RPS6KA2: variants seen among roughly 807,000 people sequenced by gnomAD.
RPS6KA2 encodes the protein ribosomal protein S6 kinase A2, also known as ribosomal protein S6 kinase alpha-2.
In RPS6KA2, 42 loss-of-function variants were observed where a neutral mutation model predicts 91.8. The observed-to-expected ratio is 0.46, with a 90% CI of 0.36 to 0.59. The LOEUF (loss-of-function observed/expected upper bound fraction) is 0.59. RPS6KA2 is among the 20% of genes least tolerant of loss of function. RPS6KA2 has a pLI of 0.00. For missense variants in RPS6KA2, 798 were observed against 978.5 expected, an observed-to-expected ratio of 0.82 and a Z score of 2.46; for synonymous variants, 414 against 393.6, an observed-to-expected ratio of 1.05 and a Z score of -0.61.
chr6:166,529,915 A>G (rs75595574), intron 3 of RPS6KA2, among the ~76,000 whole-genome samples: 9 of 152,296 alleles, frequency 5.9e-5, no homozygotes, highest in East Asian at 1.9e-4. Flanking sequence ...TCTCTCCCCT[A>G]TAGAATTTTC....
At chr6:166,550,958 G>C (rs866088130) in intron 1 of RPS6KA2, among the ~76,000 whole-genome samples, 15 of 132,414 alleles carry the variant, frequency 1.1e-4, no homozygotes, top group South Asian at 2.4e-4. Flanking sequence ...CCGAGATCAC[G>C]ACACTCCAGC....
intron 1 of RPS6KA2, among the ~76,000 whole-genome samples, chr6:166,625,919 G>A (rs1322353630): frequency 6.6e-6 from 1 of 152,108 alleles, no homozygotes; most frequent in Non-Finnish European, 1.5e-5. Flanking sequence ...TCTCTCAATG[G>A]TTACAGAACC....
At chr6:166,841,975 G>C (rs10806866) in intron 2 of RPS6KA2, among the ~76,000 whole-genome samples, 86,560 of 151,740 alleles carry the variant, frequency 0.57, 25,789 homozygotes, top group Middle Eastern at 0.74. Flanking sequence ...GCCTCAAGCA[G>C]GATCTGGCAT....
chr6:166,476,186 T>C (rs567612033), intron 10 of RPS6KA2, among the ~76,000 whole-genome samples: 2 of 152,240 alleles, frequency 1.3e-5, no homozygotes, highest in East Asian at 3.9e-4. Context: ...GGGTGTGGCA[T>C]TCACAGCCAG....
chr6:166,490,535 A>C lies in RPS6KA2; in HGVS notation c.818+136T>G. ...ATTTTGTGTAAAACCAGTGACTTTTAGAAAACAGCTTACAATACTTTGGCA... is the reference window on the plus strand; with the variant it reads ...ATTTTGTGTAAAACCAGTGACTTTTCGAAAACAGCTTACAATACTTTGGCA... On this transcript the variant is annotated intron_variant, in intron 9 of 20. Coordinates refer to ENST00000265678, the MANE Select transcript of RPS6KA2 (RefSeq NM_021135.6). This position sits in a 1 kb window ranked among gnomAD's most constrained non-coding sequence, Gnocchi z 4.2. 2 of 696,100 alleles carry C rather than the reference A, an allele frequency of 2.9e-6. No homozygotes were observed. Among genetic ancestry groups the C allele is most frequent in the Non-Finnish European group, 2.5e-6 (1 of 394,592 alleles). The allele number at this position is 696,100 out of a possible 1,614,324, so 43.1% of individuals were successfully genotyped here. A position where few individuals can be genotyped will look rare whatever the true frequency, so the allele number is the denominator to read the frequency against.
intron 16 of RPS6KA2, among the ~76,000 whole-genome samples, chr6:166,425,365 A>G (rs1228292214): frequency 6.6e-6 from 1 of 152,214 alleles, no homozygotes; most frequent in East Asian, 1.9e-4. Context: ...TGTAAAGACC[A>G]TCGAGACTAG....
chr6:166,471,726 A>G (rs1780775628), intron 10 of RPS6KA2, among the ~76,000 whole-genome samples: 1 of 152,216 alleles, frequency 6.6e-6, no homozygotes, highest in African/African-American at 2.4e-5. Flanking sequence ...CTTGTTCAAA[A>G]TCAGACCAGA....
intron 1 of RPS6KA2, among the ~76,000 whole-genome samples, chr6:166,541,675 C>T (rs1458519304): frequency 2.6e-5 from 4 of 152,314 alleles, no homozygotes; most frequent in Middle Eastern, 3.4e-3. Context: ...CCCGCCTCCC[C>T]GGTCCATGCC....
At chr6:166,745,250 C>G (rs1013169524) in intron 2 of RPS6KA2, among the ~76,000 whole-genome samples, 1 of 149,528 alleles carries the variant, frequency 6.7e-6, no homozygotes, top group East Asian at 2.0e-4. Context: ...CTCCTGGGTT[C>G]AAGCGATTCC....
intron 2 of RPS6KA2, among the ~76,000 whole-genome samples, chr6:166,645,007 A>G (rs890474583): frequency 5.9e-5 from 9 of 152,294 alleles, no homozygotes; most frequent in South Asian, 4.1e-4. Flanking sequence ...ATTCTTCCCT[A>G]CAGCCTTTAG....
rs79668126 is a variant in RPS6KA2, at chr6:166,543,824, C to T, written c.100-5040G>A. Among the ~76,000 whole-genome samples, 64 of 152,298 alleles carry T rather than the reference C, an allele frequency of 4.2e-4. 1 individual carries two copies. The East Asian group carries it at 9.3e-3, about 22-fold the overall frequency. ...CAGGCAACTGTCCTGAGTGTGTGCA[C>T]GTGTGTGTGCGCATGTGTACATGTG... On this transcript the variant is annotated intron_variant, in intron 1 of 20. Coordinates refer to ENST00000265678, the MANE Select transcript of RPS6KA2 (RefSeq NM_021135.6).
Position 166,533,948 on chromosome 6 carries a change from T to C in RPS6KA2, c.217-2635A>G, listed in dbSNP as rs527427279. Among the ~76,000 whole-genome samples the C allele has an allele frequency of 7.4e-4, 112 of 151,742 alleles. No individual in the cohort carries two copies. The highest frequency in any genetic ancestry group is 2.7e-3 in the African/African-American group (110 of 41,440). ...AATAAAAATAAAAATTAGGGCTGGG[T>C]GCGGTGGCTCACGCCTGTAATCCCA... On this transcript the variant is annotated intron_variant, in intron 2 of 20. Transcript: ENST00000265678. This position sits in a 1 kb window ranked among gnomAD's most constrained non-coding sequence, Gnocchi z 4.0.
intron 2 of RPS6KA2, among the ~76,000 whole-genome samples, chr6:166,801,444 G>A (rs1328178337): frequency 1.3e-5 from 2 of 152,186 alleles, no homozygotes; most frequent in Non-Finnish European, 1.5e-5. Context: ...ATAGGCTAAA[G>A]TGATCATCCT....
At chr6:166,736,928 T>C (rs377467925) in intron 2 of RPS6KA2, among the ~76,000 whole-genome samples, 2 of 151,914 alleles carry the variant, frequency 1.3e-5, no homozygotes, top group South Asian at 2.1e-4. Context: ...CCTAGCAGAA[T>C]TGACAAAATG....
intron 2 of RPS6KA2, among the ~76,000 whole-genome samples, chr6:166,534,518 TA>T (rs1166427367): frequency 1.3e-5 from 2 of 152,194 alleles, no homozygotes; most frequent in Non-Finnish European, 2.9e-5. Context: ...AGTACGACCG[TA>T]TAAACTCAAA....
Position 166,770,755 on chromosome 6 carries a change from C to A in RPS6KA2, c.123+87445G>T. The A allele has an allele frequency of 3.8e-6, 4 of 1,062,694 alleles. No individual in the cohort carries two copies. Among genetic ancestry groups the A allele is most frequent in the Non-Finnish European group, 4.1e-6 (3 of 732,610 alleles). The allele number at this position is 1,062,694 out of a possible 1,614,324, so 65.8% of individuals were successfully genotyped here. A position where few individuals can be genotyped will look rare whatever the true frequency, so the allele number is the denominator to read the frequency against. Reference sequence around the variant, plus strand: ...GCACCTTGCCTTGCTGGACTCCGGGCACCGTGAAACAACTCAATAAATTGA... The same window carrying A: ...GCACCTTGCCTTGCTGGACTCCGGGAACCGTGAAACAACTCAATAAATTGA... On this transcript the variant is annotated intron_variant, in intron 2 of 21. Transcript: ENST00000503859. The surrounding 1 kb of genome is among the most constrained non-coding windows in gnomAD (Gnocchi z 5.1).
chr6:166,507,452 TAC>T (rs1467325564), intron 5 of RPS6KA2, among the ~76,000 whole-genome samples: 1 of 129,518 alleles, frequency 7.7e-6, no homozygotes, highest in East Asian at 2.3e-4. Flanking sequence ...ACACAACTCA[TAC>T]ATACACACAC....
intron 2 of RPS6KA2, among the ~76,000 whole-genome samples, chr6:166,717,752 G>A (rs1048353020): frequency 6.6e-6 from 1 of 152,170 alleles, no homozygotes; most frequent in South Asian, 2.1e-4. Flanking sequence ...TACCAGGGGT[G>A]CCTCTCACAA....
At chr6:166,742,060 G>C (rs181290707) in intron 2 of RPS6KA2, among the ~76,000 whole-genome samples, 1 of 152,086 alleles carries the variant, frequency 6.6e-6, no homozygotes, top group African/African-American at 2.4e-5. Flanking sequence ...TTTGAGAGGC[G>C]GCTGTTGCAG....
Sources: gnomAD v4.1 joint callset for allele counts (sites outside exome capture counted in the v4.1 genomes callset) on GRCh38, gnomAD v4.1.1 for gene constraint, Gnocchi (gnomAD v3.1) non-coding constraint, MANE v1.5 for transcripts, NCBI Gene and HGNC (gene_info 2026-07-23, HGNC 2026-07-21) for gene names.